CS: variants seen among roughly 807,000 people sequenced by gnomAD.
CS encodes the protein citrate synthase, also known as citrate synthase, mitochondrial.
Under a neutral mutation model 61.4 loss-of-function variants are expected in CS, and 13 were observed. The observed-to-expected ratio is 0.21, with a 90% confidence interval of 0.14 to 0.34. CS has a LOEUF of 0.34. Ranked by LOEUF, CS falls within the 10% of genes least tolerant of loss-of-function variation. CS has a pLI of 1.00. For synonymous variants in CS, 159 were observed against 215.2 expected (o/e 0.74, Z 2.29); for missense variants, 278 against 573.4 (o/e 0.48, Z 5.26).
intron 9 of CS, 45 bp from the exon 10 acceptor site, chr12:56,273,841 T>G (rs1257394727): frequency 6.5e-7 from 1 of 1,536,738 alleles, no homozygotes. Context: ...GTAGAAATTC[T>G]TTTATTTTTC....
intron 8 of CS, 50 bp from the exon 9 acceptor site, chr12:56,274,928 G>A: frequency 1.9e-6 from 3 of 1,608,118 alleles, no homozygotes; most frequent in Non-Finnish European, 2.6e-6. Flanking sequence ...TATGCCAGAA[G>A]AGAATGCCAA....
chr12:56,274,433 G>A lies in CS; in HGVS notation c.1020+344C>T, dbSNP rs376140919. 2.5e-4 allele frequency: 48 copies of A among 189,404 alleles called. 1 individual carries two copies. The East Asian group carries it at 3.6e-3, about 14-fold the overall frequency. 11.7% of individuals were successfully genotyped at this position (189,404 alleles called of 1,614,324 possible). On this transcript the variant is annotated intron_variant, in intron 9 of 10. Coordinates refer to ENST00000351328, the MANE Select transcript of CS (RefSeq NM_004077.3). ...CCCAAAGTGCTAAGATTATAAGCGT[G>A]AGCCACCACACTCAACCTATTTAAA... is the stretch of plus-strand genomic sequence containing the variant.
At chr12:56,296,447 C>T (rs532126767) in intron 1 of CS, among the ~76,000 whole-genome samples, 2 of 151,938 alleles carry the variant, frequency 1.3e-5, no homozygotes, top group Admixed American at 6.6e-5. Context: ...CCAAAAAAAA[C>T]CCAAAACAGA....
chr12:56,282,191 C>T (rs1872796077), intron 6 of CS: 2 of 404,142 alleles, frequency 4.9e-6, no homozygotes, highest in Non-Finnish European at 8.7e-6. Context: ...TTTTTCTGCA[C>T]GTGTGTCAGC....
In CS at chr12:56,282,432, G is replaced by C. The variant is rs910879905; in HGVS notation, c.576C>G (p.Thr192=). The C allele has an allele frequency of 1.9e-6, 3 of 1,602,472 alleles. No individual in the cohort carries two copies. Among genetic ancestry groups the C allele is most frequent in the Admixed American group, 1.7e-5 (1 of 58,498 alleles). ...ARAYAQGISR[T]KYWELIYEDS... ...CCAAATTTCCTACCTCCCAGTACTT[G>C]GTTCGGCTGATACCCTGTGCATATG... The change falls in exon 6 of 11, where the codon ACC becomes ACG. Residue 192 remains threonine, a synonymous_variant. Coordinates refer to ENST00000351328, the MANE Select transcript of CS (RefSeq NM_004077.3).
chr12:56,286,379 C>T lies in CS; in HGVS notation c.93+216G>A, dbSNP rs545123011. On this transcript the variant is annotated intron_variant, in intron 2 of 10. Transcript: ENST00000351328. ...ACTTAAAACATTTAAAAGAATTAGG[C>T]AAATGTATTGATATTCCCATCTCAC... 8.6e-5 allele frequency: 47 copies of T among 543,530 alleles called. 1 individual carries two copies. The East Asian group carries it at 1.2e-3, about 14-fold the overall frequency. 33.7% of individuals were successfully genotyped at this position (543,530 alleles called of 1,614,324 possible).
chr12:56,289,460 T>G (rs1043227022), intron 1 of CS, among the ~76,000 whole-genome samples: 30 of 151,312 alleles, frequency 2.0e-4, no homozygotes, highest in Admixed American at 6.6e-5. Flanking sequence ...TTTTTTTTTT[T>G]GAGACGGAGT....
chr12:56,279,777 C>CAA (rs369160772), intron 6 of CS, among the ~76,000 whole-genome samples: 7 of 143,166 alleles, frequency 4.9e-5, no homozygotes, highest in Middle Eastern at 3.5e-3. Context: ...AAAAAAAAAC[C>CAA]AAAAAAAAAC....
chr12:56,274,692 A>C, intron 9 of CS, 85 bp downstream of exon 9: 77 of 973,000 alleles, frequency 7.9e-5, no homozygotes, highest in Non-Finnish European at 1.0e-4. Flanking sequence ...TAATTTAGGG[A>C]CCTCTTTCAT....
At chr12:56,274,688 A>T in intron 9 of CS, 89 bp downstream of exon 9, 1 of 1,004,476 alleles carries the variant, frequency 1.0e-6, no homozygotes, top group Non-Finnish European at 1.4e-6. Context: ...TCTCTAATTT[A>T]GGGACCTCTT....
At chr12:56,295,885 C>T (rs1026086977) in intron 1 of CS, among the ~76,000 whole-genome samples, 2 of 125,820 alleles carry the variant, frequency 1.6e-5, no homozygotes, top group Admixed American at 2.0e-4. Flanking sequence ...ACCCCAGAGG[C>T]GGATCTTGCA....
At chr12:56,299,444 T>C (rs530972647) in intron 1 of CS, among the ~76,000 whole-genome samples, 2 of 152,168 alleles carry the variant, frequency 1.3e-5, no homozygotes, top group Non-Finnish European at 1.5e-5. Context: ...CATTAGTATC[T>C]CTTGCCGAGG....
intron 1 of CS, chr12:56,298,698 G>A: frequency 2.0e-6 from 2 of 984,870 alleles, no homozygotes; most frequent in African/African-American, 3.5e-5. Flanking sequence ...GTGCCTGGAA[G>A]AACCAAGGTA....
In CS at chr12:56,273,097, G is replaced by A. The variant is rs139054969; in HGVS notation, c.1388C>T (p.Ser463Phe). Residue 463 changes from serine to phenylalanine, a missense_variant, in exon 11 of 11, where the codon TCT becomes TTT. Ser to Phe is a radical substitution (Grantham distance 155). Transcript: ENST00000351328. The stretch of plus-strand genomic sequence containing the variant: ...CAGTCTCCAGTTTTACCCTGACTTA[G>A]AGTCCACAAACTTCATCAGACCCTC... ...STEGLMKFVD[S>F]KSG 3,275 of 1,609,866 alleles carry A rather than the reference G, an allele frequency of 2.0e-3. 7 individuals carry two copies. Among genetic ancestry groups the A allele is most frequent in the Non-Finnish European group, 2.5e-3 (2,897 of 1,178,268 alleles).
chr12:56,275,650 T>TTGA (rs1321450231), intron 7 of CS: 1 of 327,266 alleles, frequency 3.1e-6, no homozygotes, highest in Non-Finnish European at 5.7e-6. Flanking sequence ...AGGTTACTGG[T>TTGA]TGATGATGCC....
intron 6 of CS, chr12:56,282,200 G>A (rs1337743722): frequency 2.3e-6 from 1 of 426,144 alleles, no homozygotes; most frequent in East Asian, 3.7e-5. Flanking sequence ...ACGTGTGTCA[G>A]CCTAACCAAA....
chr12:56,296,477 G>A (rs1302431907), intron 1 of CS, among the ~76,000 whole-genome samples: 2 of 152,150 alleles, frequency 1.3e-5, no homozygotes, highest in Non-Finnish European at 2.9e-5. Flanking sequence ...AACTTGTGCA[G>A]TTGAAGCACA....
intron 6 of CS, among the ~76,000 whole-genome samples, chr12:56,277,459 A>C (rs529296216): frequency 2.9e-4 from 44 of 150,994 alleles, no homozygotes; most frequent in African/African-American, 1.0e-3. Context: ...AGATCGTGCC[A>C]CTGTACTCCA....
chr12:56,277,630 CTTTT>C (rs1303018748), intron 6 of CS, among the ~76,000 whole-genome samples: 1 of 135,448 alleles, frequency 7.4e-6, no homozygotes, highest in Non-Finnish European at 1.6e-5. Flanking sequence ...GACTTCCATT[CTTTT>C]TTTTTTTTTT....
Sources: allele counts gnomAD v4.1 joint callset (sites outside exome capture counted in the v4.1 genomes callset), GRCh38; gene constraint gnomAD v4.1.1; transcripts MANE v1.5; gene names NCBI Gene and HGNC (gene_info 2026-07-23, HGNC 2026-07-21).